LMBR1: variants seen among roughly 807,000 people sequenced by gnomAD.
LMBR1 encodes the protein limb region 1 protein homolog.
Under a neutral mutation model 73.9 loss-of-function variants are expected in LMBR1, and 52 were observed. The ratio of observed to expected loss-of-function variants is 0.70; its 90% CI spans 0.56 to 0.89. The LOEUF is 0.89. Ranked by LOEUF, LMBR1 falls within the 40% of genes least tolerant of loss-of-function variation. The pLI is 0.00. For synonymous variants in LMBR1, 215 were observed against 209.4 expected (o/e 1.03, Z -0.23); for missense variants, 539 against 579.8 (o/e 0.93, Z 0.72).
intron 4 of LMBR1, among the ~76,000 whole-genome samples, chr7:156,804,886 A>G (rs2133501533): frequency 6.6e-6 from 1 of 152,208 alleles, no homozygotes; most frequent in Middle Eastern, 3.4e-3. Flanking sequence ...TGCTTTCGCT[A>G]TCCTACCTAA....
chr7:156,670,895 T>C lies in LMBR1; in HGVS notation n.867-1608A>G, dbSNP rs923678611. On this transcript the variant is annotated intron_variant and non_coding_transcript_variant, in intron 4 of 4. Transcript: ENST00000430825. This position sits in a 1 kb window ranked among gnomAD's most constrained non-coding sequence, Gnocchi z 4.3. The stretch of plus-strand genomic sequence containing the variant: ...GACGGGAAATCTGAGATGTCAGTGG[T>C]AAAAATGTGAGTAAATCTAATAGAC... Among the ~76,000 whole-genome samples, 1 of 152,116 alleles carries C rather than the reference T, an allele frequency of 6.6e-6. No homozygotes were observed. The highest frequency in any genetic ancestry group is 2.4e-5 in the African/African-American group (1 of 41,426).
chr7:156,892,613 A>T (rs949182440), intron 1 of LMBR1: 11 of 219,000 alleles, frequency 5.0e-5, no homozygotes, highest in African/African-American at 2.5e-4. Context: ...CGGGAAGGGA[A>T]GGGCAGCACC....
chr7:156,749,618 C>A (rs1820461296), intron 9 of LMBR1, among the ~76,000 whole-genome samples: 1 of 151,820 alleles, frequency 6.6e-6, no homozygotes, highest in African/African-American at 2.4e-5. Context: ...CAATCTGACA[C>A]CCAGCAAAAA....
intron 9 of LMBR1, among the ~76,000 whole-genome samples, chr7:156,744,937 T>C: frequency 6.6e-6 from 1 of 152,162 alleles, no homozygotes; most frequent in Non-Finnish European, 1.5e-5. Context: ...TCTTCTTCCA[T>C]TACCAATGTC....
intron 1 of LMBR1, among the ~76,000 whole-genome samples, chr7:156,841,824 A>T (rs1193265251): frequency 6.6e-6 from 1 of 152,146 alleles, no homozygotes; most frequent in East Asian, 1.9e-4. Context: ...CAGGAGTTTG[A>T]TTATAAAGAG....
intron 4 of LMBR1, among the ~76,000 whole-genome samples, chr7:156,805,635 C>T (rs997943694): frequency 6.6e-6 from 1 of 152,124 alleles, no homozygotes; most frequent in Non-Finnish European, 1.5e-5. Context: ...AATTTGCATC[C>T]GAATTTTAGA....
intron 5 of LMBR1, among the ~76,000 whole-genome samples, chr7:156,791,693 T>A (rs1235581749): frequency 6.6e-6 from 1 of 152,230 alleles, no homozygotes; most frequent in East Asian, 1.9e-4. Flanking sequence ...TAAAATTTTG[T>A]ACTTTTTGCT....
At chr7:156,696,284 A>G (rs1030279569) in intron 15 of LMBR1, among the ~76,000 whole-genome samples, 22 of 152,268 alleles carry the variant, frequency 1.4e-4, no homozygotes, top group African/African-American at 5.1e-4. Flanking sequence ...AGGTAACTAA[A>G]TGGAAGAAAT....
intron 15 of LMBR1, among the ~76,000 whole-genome samples, chr7:156,716,465 A>G (rs759543592): frequency 6.6e-6 from 1 of 152,218 alleles, no homozygotes; most frequent in Non-Finnish European, 1.5e-5. Context: ...AAAGAGAATT[A>G]TAATTAGAGT....
At chr7:156,777,157 G>T (rs757674753) in intron 5 of LMBR1, among the ~76,000 whole-genome samples, 1 of 152,064 alleles carries the variant, frequency 6.6e-6, no homozygotes, top group Non-Finnish European at 1.5e-5. Context: ...GGATGGTCTC[G>T]ATCTCCTGAC....
At chr7:156,740,675 T>C (rs1818716480) in intron 9 of LMBR1, among the ~76,000 whole-genome samples, 1 of 152,064 alleles carries the variant, frequency 6.6e-6, no homozygotes, top group African/African-American at 2.4e-5. Flanking sequence ...GAAGGAGAAA[T>C]AAAGACTTTC....
intron 15 of LMBR1, among the ~76,000 whole-genome samples, chr7:156,718,236 C>T (rs1813654950): frequency 6.6e-6 from 1 of 151,624 alleles, no homozygotes; most frequent in South Asian, 2.1e-4. Flanking sequence ...CCCGTCTCTA[C>T]TAAAAATACA....
intron 1 of LMBR1, among the ~76,000 whole-genome samples, chr7:156,880,807 C>T (rs1800970190): frequency 6.6e-6 from 1 of 152,126 alleles, no homozygotes; most frequent in Admixed American, 6.6e-5. Flanking sequence ...CATGCGCCAC[C>T]ACGCCCGGCT....
chr7:156,714,169 G>T (rs1206178752), intron 15 of LMBR1, among the ~76,000 whole-genome samples: 1 of 152,206 alleles, frequency 6.6e-6, no homozygotes, highest in Non-Finnish European at 1.5e-5. Flanking sequence ...ATGTTGTGTG[G>T]CAGGCCATCC....
intron 2 of LMBR1, among the ~76,000 whole-genome samples, 161 bp downstream of exon 2, chr7:156,836,652 T>C (rs1299700945): frequency 1.3e-5 from 2 of 152,244 alleles, no homozygotes; most frequent in African/African-American, 4.8e-5. Context: ...TCAGATTCCC[T>C]GGAGGTTATT....
chr7:156,676,552 C>T (rs1031073767), downstream of LMBR1: 25 of 1,614,024 alleles, frequency 1.5e-5, no homozygotes, highest in African/African-American at 2.7e-5. Context: ...TTCCACCATG[C>T]GTGTCTGCTG....
chr7:156,697,738 T>C (rs1585235817), intron 15 of LMBR1, among the ~76,000 whole-genome samples: 1 of 152,328 alleles, frequency 6.6e-6, no homozygotes, highest in South Asian at 2.1e-4. Context: ...TGTTATTCTA[T>C]TCTTTTTCAA....
At chr7:156,874,320 C>T (rs1051619897) in intron 1 of LMBR1, among the ~76,000 whole-genome samples, 8 of 152,226 alleles carry the variant, frequency 5.3e-5, no homozygotes, top group Non-Finnish European at 1.2e-4. Flanking sequence ...CAAGCCCACG[C>T]CCACCCGGAA....
chr7:156,676,471 C>A (rs767528882), downstream of LMBR1: 8 of 1,614,106 alleles, frequency 5.0e-6, no homozygotes, highest in Non-Finnish European at 5.9e-6. Context: ...CCTCTCTCCG[C>A]TGCTGGCGGT....
Sources: allele counts gnomAD v4.1 joint callset (sites outside exome capture counted in the v4.1 genomes callset), GRCh38; gene constraint gnomAD v4.1.1; non-coding constraint Gnocchi (gnomAD v3.1); transcripts MANE v1.5; gene names NCBI Gene and HGNC (gene_info 2026-07-23, HGNC 2026-07-21).